The following EP400 variants were observed in gnomAD, a reference collection of about 807,000 sequenced individuals.
The protein encoded by EP400 is E1A-binding protein p400.
EP400 carries 105 observed loss-of-function variants against 354.1 expected under a neutral mutation model. That is an observed-to-expected ratio of 0.30 (90% CI 0.25 to 0.35). The LOEUF is 0.35. Among genes scored for constraint, EP400 ranks in the 10% least tolerant of loss-of-function variants. The pLI, the probability that EP400 is intolerant of heterozygous loss-of-function variation, is 1.00. For synonymous variants in EP400, 1,646 were observed against 1,716.9 expected (o/e 0.96, Z 1.02); for missense variants, 3,280 against 4,121.0 (o/e 0.80, Z 5.59).
rs1378626481 is a variant in EP400 at position 131,990,007 on chromosome 12, G to A, written c.2453G>A (p.Arg818His). The change falls in exon 8 of 53, where the codon CGT becomes CAT. Residue 818 changes from arginine to histidine, a missense_variant. Physicochemically the swap from Arg to His is conservative, Grantham distance 29. Coordinates refer to ENST00000389561, the MANE Select transcript of EP400 (RefSeq NM_015409.5). This position sits in a 1 kb window ranked among gnomAD's most constrained non-coding sequence, Gnocchi z 4.2. ...CGCCATCACGAGGAGAAGCAGCTCC[G>A]TGAAGAAAGGGGGAAGAAGGAAGAG... ...VVRHHEEKQL[R>H]EERGKKEEQS... 5.0e-6 allele frequency: 8 copies of A among 1,613,636 alleles called. No homozygotes were observed. Among genetic ancestry groups the A allele is most frequent in the Admixed American group, 3.3e-5 (2 of 59,836 alleles).
intron 32 of EP400, among the ~76,000 whole-genome samples, chr12:132,039,523 G>A (rs1368439705): frequency 6.6e-6 from 1 of 152,120 alleles, no homozygotes; most frequent in East Asian, 1.9e-4. Flanking sequence ...ATCCACCCGT[G>A]ACCCAAACCT....
chr12:131,963,638 T>C, intron 2 of EP400: 1 of 1,597,426 alleles, frequency 6.3e-7, no homozygotes, highest in Non-Finnish European at 8.5e-7. Context: ...CAGCAACCAT[T>C]TCAGGTACTT....
In EP400 at chr12:132,037,998, G is replaced by C; in HGVS notation, c.6109G>C (p.Ala2037Pro). ...TGAAGTTTATTCTCCCATGGATGAT[G>C]CTGGCTTCCCGGTCAAAGCTGAGGA... The part of the protein sequence containing the change: ...LFEVYSPMDD[A>P]GFPVKAEEFV... The change falls in exon 32 of 53, where the codon GCT (alanine) becomes CCT (proline). Residue 2037 changes from alanine (A) to proline (P), a missense_variant. Transcript: ENST00000389561. 6.2e-7 allele frequency: 1 copy of C among 1,614,222 alleles called. No individual in the cohort carries two copies. The highest frequency in any genetic ancestry group is 8.5e-7 in the Non-Finnish European group (1 of 1,180,038).
Position 132,013,448 on chromosome 12 carries a change from G to A in EP400, c.3612-42G>A, listed in dbSNP as rs111669266. 2.1e-3 allele frequency: 3,184 copies of A among 1,519,734 alleles called. 42 individuals are homozygous for A. The African/African-American group carries it at 0.036, about 17-fold the overall frequency. 94.1% of individuals were successfully genotyped at this position (1,519,734 alleles called of 1,614,324 possible). ...AGAAGATGCTGCTGCAGCCAGCCCCGTGGCTGTAGAACTCCAGTGTTGTCT... is the reference window on the plus strand; with the variant it reads ...AGAAGATGCTGCTGCAGCCAGCCCCATGGCTGTAGAACTCCAGTGTTGTCT... On this transcript the variant is annotated intron_variant, in intron 17 of 52. Coordinates refer to ENST00000389561, the MANE Select transcript of EP400 (RefSeq NM_015409.5). This position sits in a 1 kb window ranked among gnomAD's most constrained non-coding sequence, Gnocchi z 4.5.
intron 32 of EP400, among the ~76,000 whole-genome samples, chr12:132,041,940 CT>C (rs1257535839): frequency 4.1e-5 from 6 of 145,278 alleles, no homozygotes; most frequent in East Asian, 3.9e-4. Flanking sequence ...TTCTCTATTT[CT>C]TTTTTTTTCT....
intron 5 of EP400, among the ~76,000 whole-genome samples, chr12:131,983,192 T>C (rs1242469446): frequency 6.6e-6 from 1 of 152,134 alleles, no homozygotes; most frequent in African/African-American, 2.4e-5. Context: ...TACATGGCGA[T>C]GAAGTGATGA....
At position 131,982,128 on chromosome 12, in the gene EP400, G is replaced by T. The variant is rs772430038; in HGVS notation, c.1579G>T (p.Ala527Ser). The T allele has an allele frequency of 1.3e-6, 2 of 1,569,568 alleles. No individual in the cohort carries two copies. Among genetic ancestry groups the T allele is most frequent in the South Asian group, 2.3e-5 (2 of 87,466 alleles). The change falls in exon 5 of 53, where the codon GCT becomes TCT. Residue 527 changes from alanine (A) to serine (S), a missense_variant. Ala to Ser is a moderately conservative substitution (Grantham distance 99). Transcript: ENST00000389561. ...MPPTPQAAQL[A>S]GQRQSQQQYD... Reference sequence around the variant, plus strand: ...CCCCACGCCGCAGGCCGCGCAGCTCGCTGGACAGAGGCAGAGTCAGCAGCA... The same window carrying T: ...CCCCACGCCGCAGGCCGCGCAGCTCTCTGGACAGAGGCAGAGTCAGCAGCA...
In EP400 at chr12:132,027,111, C is replaced by T. The variant is rs1433763614; in HGVS notation, c.5015-326C>T. Among the ~76,000 whole-genome samples, 1 of 152,148 alleles carries T rather than the reference C, an allele frequency of 6.6e-6. No homozygotes were observed. Among genetic ancestry groups the T allele is most frequent in the Non-Finnish European group, 1.5e-5 (1 of 68,028 alleles). The stretch of plus-strand genomic sequence containing the variant: ...CCATGTGCTGATGGCGATGGGGTAC[C>T]CAGGGCCTCGGAGGTGTGCTGGGAT... On this transcript the variant is annotated intron_variant, in intron 25 of 52. Transcript: ENST00000389561. The surrounding 1 kb of genome is among the most constrained non-coding windows in gnomAD (Gnocchi z 4.9).
At chr12:132,024,091 AC>A in intron 24 of EP400, 150 bp downstream of exon 24, 1 of 904,056 alleles carries the variant, frequency 1.1e-6, no homozygotes, top group Non-Finnish European at 1.5e-6. Context: ...TTCATGGAAG[AC>A]CAGCGAGATG....
rs554177094 is a variant in EP400, at chr12:131,981,686, G to A, written c.1543+90G>A. 1.1e-5 allele frequency: 13 copies of A among 1,151,746 alleles called. No individual in the cohort carries two copies. The East Asian group carries it at 3.3e-4, about 30-fold the overall frequency. The allele number at this position is 1,151,746 out of a possible 1,614,324, so 71.3% of individuals were successfully genotyped here. On this transcript the variant is annotated intron_variant, in intron 4 of 52. Transcript: ENST00000389561. ...CCAGCACCAGACTCAGACTTGGGCA[G>A]TGGAGGTAGCGTGTTTGCAGTGGGG...
rs146666737 is a variant in EP400 at position 131,956,957 on chromosome 12, C to T, written c.-35-3628C>T. 7.1e-3 allele frequency among the ~76,000 whole-genome samples: 1,071 copies of T among 151,054 alleles called. 36 individuals carry two copies. The South Asian group carries it at 0.093, about 13-fold the overall frequency. On this transcript the variant is annotated intron_variant, in intron 1 of 52. Transcript: ENST00000389561. ...CAAGCCCTTGGCTCACTGCAACCTC[C>T]ACCTCCTGGGTTCAAGCAATTCTCC...
intron 52 of EP400, 43 bp from the exon 53 acceptor site, chr12:132,077,358 G>A (rs1415441651): frequency 6.3e-7 from 1 of 1,584,080 alleles, no homozygotes; most frequent in Non-Finnish European, 8.6e-7. Flanking sequence ...TCCCTGGACT[G>A]AGTTTCCTGG....
chr12:131,969,606 C>T (rs1892221320), intron 2 of EP400, among the ~76,000 whole-genome samples: 1 of 152,136 alleles, frequency 6.6e-6, no homozygotes, highest in African/African-American at 2.4e-5. Flanking sequence ...CTGGCACAAA[C>T]TGTTGAAAGT....
Position 131,994,171 on chromosome 12 carries a change from G to T in EP400, c.2738-696G>T. Among the ~76,000 whole-genome samples, 1 of 152,154 alleles carries T rather than the reference G, an allele frequency of 6.6e-6. No individual in the cohort carries two copies. Among genetic ancestry groups the T allele is most frequent in the East Asian group, 1.9e-4 (1 of 5,184 alleles). On this transcript the variant is annotated intron_variant, in intron 11 of 52. Coordinates refer to ENST00000389561, the MANE Select transcript of EP400 (RefSeq NM_015409.5). This position sits in a 1 kb window ranked among gnomAD's most constrained non-coding sequence, Gnocchi z 4.6. ...GTCAGGTGCCTAGGCCTTCTTGGTG[G>T]GCAGTGGGGGTCTTGTAGTGAAGAA...
At chr12:131,997,245 A>C (rs1204343874) in intron 12 of EP400, among the ~76,000 whole-genome samples, 1 of 151,898 alleles carries the variant, frequency 6.6e-6, no homozygotes, top group Non-Finnish European at 1.5e-5. Context: ...CAGTCGATGA[A>C]CACATATTTT....
intron 32 of EP400, among the ~76,000 whole-genome samples, chr12:132,039,581 C>T (rs998634252): frequency 3.3e-5 from 5 of 152,220 alleles, no homozygotes; most frequent in South Asian, 2.1e-4. Context: ...CCCCCAACCC[C>T]GCCACCACCC....
rs144320485 is a variant in EP400, at chr12:132,017,291, G to A, written c.3924-244G>A. Among the ~76,000 whole-genome samples, 2 of 152,346 alleles carry A rather than the reference G, an allele frequency of 1.3e-5. No homozygotes were observed. Among genetic ancestry groups the A allele is most frequent in the African/African-American group, 2.4e-5 (1 of 41,566 alleles). ...CACTCGGTATGATTGTGAATGAAGT[G>A]GAGTGGCTGTCTTTCCGTCAGCTCT... On this transcript the variant is annotated intron_variant, in intron 19 of 52. Transcript: ENST00000389561. This position sits in a 1 kb window ranked among gnomAD's most constrained non-coding sequence, Gnocchi z 5.0.
rs1893013231 is a variant in EP400, at chr12:131,990,983, T to C, written c.2629+269T>C. On this transcript the variant is annotated intron_variant, in intron 9 of 52. Transcript: ENST00000389561. This position sits in a 1 kb window ranked among gnomAD's most constrained non-coding sequence, Gnocchi z 4.2. ...AGTCCCTGGACAGTGAGTGAGGAGC[T>C]TCCTGAGGTGTTTGCCATGCAGGAG... 6.6e-6 allele frequency among the ~76,000 whole-genome samples: 1 copy of C among 152,230 alleles called. No homozygotes were observed. The highest frequency in any genetic ancestry group is 2.1e-4 in the South Asian group (1 of 4,828).
rs555931310 is a variant in EP400, at chr12:132,027,861, G to A, written c.5110-156G>A. On this transcript the variant is annotated intron_variant, in intron 26 of 52. Coordinates refer to ENST00000389561, the MANE Select transcript of EP400 (RefSeq NM_015409.5). This position sits in a 1 kb window ranked among gnomAD's most constrained non-coding sequence, Gnocchi z 4.9. ...TCCATCTCTATTTCCTGTAGCTCTC[G>A]GCTTCATTTCTATCTCTATTTCCTG... Among the ~76,000 whole-genome samples, 5 of 152,052 alleles carry A rather than the reference G, an allele frequency of 3.3e-5. No homozygotes were observed. Among genetic ancestry groups the A allele is most frequent in the Non-Finnish European group, 4.4e-5 (3 of 68,030 alleles).
Sources: gnomAD v4.1 joint callset for allele counts (sites outside exome capture counted in the v4.1 genomes callset) on GRCh38, gnomAD v4.1.1 for gene constraint, Gnocchi (gnomAD v3.1) non-coding constraint, MANE v1.5 for transcripts, NCBI Gene and HGNC (gene_info 2026-07-23, HGNC 2026-07-21) for gene names.